MAT2A: variants seen among roughly 807,000 people sequenced by gnomAD.
MAT2A encodes S-adenosylmethionine synthase isoform type-2.
MAT2A carries 3 observed loss-of-function variants against 43.9 expected under a neutral mutation model. That is an observed-to-expected ratio of 0.07 (90% CI 0.03 to 0.18). The LOEUF (loss-of-function observed/expected upper bound fraction) is 0.18. MAT2A is among the 10% of genes least tolerant of loss of function. The pLI is 1.00. For missense variants in MAT2A, 204 were observed against 489.0 expected (o/e 0.42, Z 5.50); for synonymous variants, 200 against 168.4 (o/e 1.19, Z -1.45).
rs146207015 is a variant in MAT2A at position 85,542,271 on chromosome 2, A to G, written c.666A>G (p.Leu222=). 266 of 1,614,026 alleles carry G rather than the reference A, an allele frequency of 1.6e-4. No homozygotes were observed. Among genetic ancestry groups the G allele is most frequent in the Non-Finnish European group, 2.1e-4 (248 of 1,179,982 alleles). ...EVCLDEMRDA[L]KEKVIKAVVP... ...GTCTTGATGAAATGAGGGATGCCCT[A>G]AAGGAGAAAGTCATCAAAGCAGTTG... Residue 222 remains leucine, a synonymous_variant, in exon 6 of 9, where the codon CTA becomes CTG. Transcript: ENST00000306434.
intron 1 of MAT2A, chr2:85,539,681 T>C (rs1238649847): frequency 1.2e-5 from 3 of 243,632 alleles, no homozygotes; most frequent in Admixed American, 5.9e-5. Context: ...TAGTGAGTTC[T>C]GGCCGGGAAG....
At position 85,544,109 on chromosome 2, in the gene MAT2A, C is replaced by CT. The variant is rs1691548196; in HGVS notation, c.*340dup. ...CGCTCCAAAGTCATAATTGCATTGA[C>CT]TTTCCCCACCAGATGCTGAAAATGT... On this transcript the variant is annotated 3_prime_UTR_variant, in exon 9 of 9. Coordinates refer to ENST00000306434, the MANE Select transcript of MAT2A (RefSeq NM_005911.6). The CT allele has an allele frequency of 5.6e-6, 1 of 178,836 alleles. No homozygotes were observed. The highest frequency in any genetic ancestry group is 1.2e-5 in the Non-Finnish European group (1 of 84,750). The allele number at this position is 178,836 out of a possible 1,614,324, so 11.1% of individuals were successfully genotyped here.
intron 1 of MAT2A, among the ~76,000 whole-genome samples, chr2:85,540,532 G>A (rs1691448091): frequency 6.6e-6 from 1 of 152,190 alleles, no homozygotes; most frequent in Admixed American, 6.5e-5. Context: ...AAACGAACTT[G>A]AATTAGGGAG....
rs1252969917 is a variant in MAT2A at position 85,543,100 on chromosome 2, A to C, written c.1085+66A>C. On this transcript the variant is annotated intron_variant, in intron 8 of 8. Transcript: ENST00000306434. Reference sequence around the variant, plus strand: ...TGTTGGGTGTGTGTGTATATACTTAAGGCTGAGGAGGTGAAGGTGTGAAGG... The same window carrying C: ...TGTTGGGTGTGTGTGTATATACTTACGGCTGAGGAGGTGAAGGTGTGAAGG... 9.5e-5 allele frequency: 145 copies of C among 1,524,794 alleles called. 1 individual carries two copies. In the East Asian group the frequency reaches 3.2e-3, roughly 33 times the overall value. The allele number at this position is 1,524,794 out of a possible 1,614,324, so 94.5% of individuals were successfully genotyped here.
chr2:85,539,547 G>C, intron 1 of MAT2A, 169 bp downstream of exon 1: 2 of 491,674 alleles, frequency 4.1e-6, no homozygotes, highest in South Asian at 6.0e-5. Context: ...GGCCTGGCGC[G>C]TGGCCGCCGC....
chr2:85,540,770 C>G (rs890346385), intron 1 of MAT2A, among the ~76,000 whole-genome samples: 1 of 152,162 alleles, frequency 6.6e-6, no homozygotes, highest in Non-Finnish European at 1.5e-5. Context: ...AACTGGCCTA[C>G]CTGTGGCCTC....
At chr2:85,541,031 A>G in intron 1 of MAT2A, 52 bp from the exon 2 acceptor site, 6 of 1,296,054 alleles carry the variant, frequency 4.6e-6, no homozygotes, top group Non-Finnish European at 6.7e-6. Flanking sequence ...ATACATACAT[A>G]CATACTTTGT....
Position 85,542,954 on chromosome 2 carries a change from T to C in MAT2A, c.1005T>C (p.Tyr335=), listed in dbSNP as rs151053752. 1.5e-5 allele frequency: 24 copies of C among 1,613,732 alleles called. 1 individual carries two copies. The highest frequency in any genetic ancestry group is 1.9e-5 in the Non-Finnish European group (22 of 1,179,830). ...CATTATCTATCTCCATTTTCCATTA[T>C]GGTACCTCTCAGAAGAGTGAGAGAG... ...SHPLSISIFH[Y]GTSQKSEREL... The change falls in exon 8 of 9, where the codon TAT becomes TAC. Residue 335 remains tyrosine, a synonymous_variant. Coordinates refer to ENST00000306434, the MANE Select transcript of MAT2A (RefSeq NM_005911.6).
At chr2:85,540,641 C>T (rs1357833910) in intron 1 of MAT2A, among the ~76,000 whole-genome samples, 8 of 152,168 alleles carry the variant, frequency 5.3e-5, no homozygotes, top group African/African-American at 1.4e-4. Context: ...TTGTTTCCTG[C>T]GCAACTCCTA....
chr2:85,539,602 T>A, intron 1 of MAT2A: 2 of 419,612 alleles, frequency 4.8e-6, no homozygotes, highest in Non-Finnish European at 8.5e-6. Context: ...CCCCCTCCCT[T>A]TTCATTCGGT....
At chr2:85,542,458 C>T in intron 6 of MAT2A, 85 bp downstream of exon 6, 4 of 1,531,330 alleles carry the variant, frequency 2.6e-6, no homozygotes, top group South Asian at 2.3e-5. Context: ...CTTTCTGAAA[C>T]CTACATGTGA....
rs1404710397 is a variant in MAT2A, at chr2:85,541,616, G to T, written c.293-17G>T. 1 of 1,564,912 alleles carries T rather than the reference G, an allele frequency of 6.4e-7. No individual in the cohort carries two copies. Among genetic ancestry groups the T allele is most frequent in the Non-Finnish European group, 8.7e-7 (1 of 1,149,960 alleles). On this transcript the variant is annotated splice_polypyrimidine_tract_variant and intron_variant, in intron 3 of 8. Transcript: ENST00000306434. ...ATTTCTAGGACGTAAACAAGATGTT[G>T]TGTTTTTTGCTTATAGGTTTTGACT...
At chr2:85,542,791 G>GGGAGGGT (rs1691509026) in intron 7 of MAT2A, 44 bp downstream of exon 7, 2 of 1,558,658 alleles carry the variant, frequency 1.3e-6, no homozygotes, top group African/African-American at 2.7e-5. Context: ...TCATGTAAGT[G>GGGAGGGT]GGAGGGTATT....
Position 85,545,121 on chromosome 2 carries a change from G to GT in MAT2A, c.*1350dup, listed in dbSNP as rs1691593238. On this transcript the variant is annotated 3_prime_UTR_variant, in exon 9 of 9. Coordinates refer to ENST00000306434, the MANE Select transcript of MAT2A (RefSeq NM_005911.6). ...GGAGAAAGCTGACTTGGCTGGTGTG[G>GT]TACAGAGAAGCCAGCTTGTTTACAT... 6.6e-6 allele frequency: 1 copy of GT among 152,614 alleles called. No homozygotes were observed. The highest frequency in any genetic ancestry group is 6.5e-5 in the Admixed American group (1 of 15,270). 9.5% of individuals were successfully genotyped at this position (152,614 alleles called of 1,614,324 possible).
At position 85,543,829 on chromosome 2, in the gene MAT2A, G is replaced by A. The variant is rs952350922; in HGVS notation, c.*57G>A. On this transcript the variant is annotated 3_prime_UTR_variant, in exon 9 of 9. Coordinates refer to ENST00000306434, the MANE Select transcript of MAT2A (RefSeq NM_005911.6). The stretch of plus-strand genomic sequence containing the variant: ...GCGTAGGCTACAGAGAAGCCTTCAA[G>A]CTCTGAGGGAAAGGGCCCTCCTTCC... 7.7e-6 allele frequency: 9 copies of A among 1,166,008 alleles called. No homozygotes were observed. The highest frequency in any genetic ancestry group is 3.1e-5 in the African/African-American group (2 of 64,258). 72.2% of individuals were successfully genotyped at this position (1,166,008 alleles called of 1,614,324 possible). A position where few individuals can be genotyped will look rare whatever the true frequency, so the allele number is the denominator to read the frequency against.
chr2:85,539,499 A>AG lies in MAT2A; in HGVS notation c.91+122dup. The AG allele has an allele frequency of 5.8e-6, 4 of 689,594 alleles. No homozygotes were observed. The Admixed American group carries it at 1.7e-4, about 29-fold the overall frequency. 42.7% of individuals were successfully genotyped at this position (689,594 alleles called of 1,614,324 possible). A position where few individuals can be genotyped will look rare whatever the true frequency, so the allele number is the denominator to read the frequency against. On this transcript the variant is annotated intron_variant, in intron 1 of 8. Coordinates refer to ENST00000306434, the MANE Select transcript of MAT2A (RefSeq NM_005911.6). The stretch of plus-strand genomic sequence containing the variant: ...TCGTCCTCGTCCGCCGGGTGATGGA[A>AG]GAGCGGCGACCGCGCGCTTTCCTCG...
At position 85,544,078 on chromosome 2, in the gene MAT2A, A is replaced by T; in HGVS notation, c.*306A>T. On this transcript the variant is annotated 3_prime_UTR_variant, in exon 9 of 9. Transcript: ENST00000306434. ...TGAAATTGAACCTTTGTGCCCTATC[A>T]CCCAACGCTCCAAAGTCATAATTGC... The T allele has an allele frequency of 9.9e-6, 2 of 201,576 alleles. No individual in the cohort carries two copies. The allele number at this position is 201,576 out of a possible 1,614,324, so 12.5% of individuals were successfully genotyped here. A position where few individuals can be genotyped will look rare whatever the true frequency, so the allele number is the denominator to read the frequency against.
At position 85,543,895 on chromosome 2, in the gene MAT2A, T is replaced by G; in HGVS notation, c.*123T>G. ...TCTTTCAGCTCCTGACCAGTTGCAG[T>G]CACTCTAGTCAATGACATGAATTTT... On this transcript the variant is annotated 3_prime_UTR_variant, in exon 9 of 9. Coordinates refer to ENST00000306434, the MANE Select transcript of MAT2A (RefSeq NM_005911.6). 1.7e-6 allele frequency: 1 copy of G among 605,386 alleles called. No individual in the cohort carries two copies. The highest frequency in any genetic ancestry group is 3.0e-6 in the Non-Finnish European group (1 of 336,272). 37.5% of individuals were successfully genotyped at this position (605,386 alleles called of 1,614,324 possible).
chr2:85,542,538 AAAGT>A (rs1434242489), intron 6 of MAT2A, 23 bp from the exon 7 acceptor site: 8 of 1,605,474 alleles, frequency 5.0e-6, no homozygotes, highest in Non-Finnish European at 6.8e-6. Context: ...CACTAGGCGT[AAAGT>A]AACTTAAATC....
Sources: gnomAD v4.1 joint callset for allele counts (sites outside exome capture counted in the v4.1 genomes callset) on GRCh38, gnomAD v4.1.1 for gene constraint, MANE v1.5 for transcripts, NCBI Gene and HGNC (gene_info 2026-07-23, HGNC 2026-07-21) for gene names.